The following TRIO variants were observed in gnomAD, a reference collection of about 807,000 sequenced individuals.
TRIO encodes the protein triple functional domain protein.
Under a neutral mutation model 351.9 loss-of-function variants are expected in TRIO, and 58 were observed. The ratio of observed to expected loss-of-function variants is 0.16; its 90% CI spans 0.13 to 0.21. The LOEUF is 0.21. Ranked by LOEUF, TRIO falls within the 10% of genes least tolerant of loss-of-function variation. The probability of loss-of-function intolerance (pLI) is 1.00; values close to 1 mark genes in which losing one functional copy is unlikely to be tolerated. For synonymous variants in TRIO, 1,758 were observed against 1,595.7 expected (o/e 1.10, Z -2.42); for missense variants, 3,201 against 4,027.8 (o/e 0.79, Z 5.56).
intron 34 of TRIO, among the ~76,000 whole-genome samples, chr5:14,447,160 A>G (rs1561500953): frequency 6.6e-6 from 1 of 152,172 alleles, no homozygotes; most frequent in Non-Finnish European, 1.5e-5. Flanking sequence ...TGAACCCAGG[A>G]GGCGGAGGTC....
At chr5:14,156,250 G>T (rs1372382173) in intron 1 of TRIO, among the ~76,000 whole-genome samples, 1 of 151,960 alleles carries the variant, frequency 6.6e-6, no homozygotes. Context: ...TGCTTTCCTT[G>T]CCCCAGGGCT....
At chr5:14,441,224 T>A (rs1178385352) in intron 34 of TRIO, 1 of 152,802 alleles carries the variant, frequency 6.5e-6, no homozygotes, top group African/African-American at 2.4e-5. Context: ...TCTGCACCTT[T>A]AGCCTCCAGT....
At chr5:14,230,380 T>C (rs377557844) in intron 1 of TRIO, among the ~76,000 whole-genome samples, 35 of 137,294 alleles carry the variant, frequency 2.5e-4, no homozygotes, top group Middle Eastern at 3.5e-3. Flanking sequence ...GTGTGTTGGG[T>C]GATGAGGGGA....
intron 1 of TRIO, among the ~76,000 whole-genome samples, chr5:14,236,850 C>T (rs759558132): frequency 6.6e-6 from 1 of 152,166 alleles, no homozygotes; most frequent in African/African-American, 2.4e-5. Flanking sequence ...TCCAGCCTCC[C>T]CATTCCTTCC....
chr5:14,399,188 C>G (rs1363607711), intron 30 of TRIO, 118 bp downstream of exon 30: 1 of 993,908 alleles, frequency 1.0e-6, no homozygotes, highest in Non-Finnish European at 1.5e-6. Context: ...CTGAAATGTT[C>G]AAGTCTGAAT....
rs1361519406 is a variant in TRIO at position 14,488,048 on chromosome 5, C to T, written c.7420C>T (p.Pro2474Ser). 7 of 1,608,776 alleles carry T rather than the reference C, an allele frequency of 4.4e-6. No individual in the cohort carries two copies. The highest frequency in any genetic ancestry group is 1.7e-5 in the Admixed American group (1 of 59,808). ...AVPSLGKEPF[P>S]PSSPLQKGGS... ...CCCTTCTCTCGGCAAGGAGCCCTTC[C>T]CCCCCAGCAGCCCCCTGCAGAAGGG... The change falls in exon 48 of 57, where the codon CCC (proline) becomes TCC (serine). Residue 2474 changes from proline to serine, a missense_variant. By Grantham distance (74) the Pro-to-Ser change is moderately conservative (BLOSUM62 -1). Transcript: ENST00000344204.
chr5:14,397,825 A>T (rs1428942887), intron 29 of TRIO, among the ~76,000 whole-genome samples: 1 of 151,770 alleles, frequency 6.6e-6, no homozygotes, highest in African/African-American at 2.4e-5. Context: ...AGCAAAACAG[A>T]TTTTTCTTTC....
chr5:14,452,209 C>T (rs941299003), intron 34 of TRIO, among the ~76,000 whole-genome samples: 2 of 152,258 alleles, frequency 1.3e-5, no homozygotes, highest in Non-Finnish European at 2.9e-5. Context: ...CCCAGCTCTT[C>T]TTCCCACTCT....
chr5:14,226,226 T>TTGA (rs887719597), intron 1 of TRIO, among the ~76,000 whole-genome samples: 6 of 152,116 alleles, frequency 3.9e-5, no homozygotes, highest in African/African-American at 1.2e-4. Context: ...CTTAGGTTAT[T>TTGA]TGATGATGAT....
chr5:14,505,868 C>T (rs933931458), intron 55 of TRIO, among the ~76,000 whole-genome samples: 2 of 152,204 alleles, frequency 1.3e-5, no homozygotes, highest in East Asian at 1.9e-4. Flanking sequence ...GAAGGGCAGA[C>T]GGTGGGGCGC....
chr5:14,368,576 C>T, intron 16 of TRIO, 132 bp from the exon 17 acceptor site: 1 of 921,492 alleles, frequency 1.1e-6, no homozygotes, highest in Non-Finnish European at 1.6e-6. Context: ...CTTTTAGAAG[C>T]ATCCTAGTGA....
chr5:14,147,096 C>T (rs1399344985), intron 1 of TRIO, among the ~76,000 whole-genome samples: 2 of 152,276 alleles, frequency 1.3e-5, no homozygotes, highest in South Asian at 4.1e-4. Flanking sequence ...TTTCAAACTT[C>T]ACTTTTCTCC....
At chr5:14,193,541 T>G (rs1482561556) in intron 1 of TRIO, among the ~76,000 whole-genome samples, 1 of 152,206 alleles carries the variant, frequency 6.6e-6, no homozygotes, top group Non-Finnish European at 1.5e-5. Flanking sequence ...AATAGTGTTT[T>G]CAAGTAATGG....
chr5:14,192,152 C>T (rs1292537629), intron 1 of TRIO, among the ~76,000 whole-genome samples: 1 of 152,154 alleles, frequency 6.6e-6, no homozygotes, highest in Admixed American at 6.5e-5. Context: ...TATACATTAT[C>T]TCATTCCAGT....
chr5:14,503,057 G>A (rs1757407400), intron 54 of TRIO, among the ~76,000 whole-genome samples: 1 of 152,230 alleles, frequency 6.6e-6, no homozygotes, highest in Non-Finnish European at 1.5e-5. Flanking sequence ...AAAATTAGAT[G>A]CACAAACTAA....
At chr5:14,177,698 C>T (rs563021722) in intron 1 of TRIO, among the ~76,000 whole-genome samples, 3 of 152,220 alleles carry the variant, frequency 2.0e-5, no homozygotes, top group Admixed American at 6.5e-5. Flanking sequence ...CTCCTCCTGT[C>T]TCCTGCCCAG....
chr5:14,404,575 A>T (rs1406953585), intron 31 of TRIO, among the ~76,000 whole-genome samples: 2 of 152,096 alleles, frequency 1.3e-5, no homozygotes, highest in African/African-American at 4.8e-5. Flanking sequence ...TACTTTTATC[A>T]GGCATTTAAA....
chr5:14,171,737 G>T (rs1238622204), intron 1 of TRIO, among the ~76,000 whole-genome samples: 4 of 152,214 alleles, frequency 2.6e-5, no homozygotes, highest in South Asian at 4.1e-4. Context: ...CTTCTTCCTG[G>T]TTATAAAATT....
chr5:14,492,018 A>G (rs907310627), intron 48 of TRIO, among the ~76,000 whole-genome samples: 3 of 152,234 alleles, frequency 2.0e-5, no homozygotes, highest in African/African-American at 7.2e-5. Flanking sequence ...CTTTTTGAAG[A>G]GACGAAGTAG....
Sources: gnomAD v4.1 joint callset for allele counts (sites outside exome capture counted in the v4.1 genomes callset) on GRCh38, gnomAD v4.1.1 for gene constraint, MANE v1.5 for transcripts, NCBI Gene and HGNC (gene_info 2026-07-23, HGNC 2026-07-21) for gene names.